ANK2: variants seen among roughly 807,000 people sequenced by gnomAD.
ANK2 encodes ankyrin-2.
Under a neutral mutation model 360.5 loss-of-function variants are expected in ANK2, and 83 were observed. The ratio of observed to expected loss-of-function variants is 0.23; its 90% CI spans 0.19 to 0.28. The LOEUF is 0.28. Among genes scored for constraint, ANK2 ranks in the 10% least tolerant of loss-of-function variants. ANK2 has a pLI of 1.00. For missense variants in ANK2, 4,201 were observed against 4,795.7 expected, an observed-to-expected ratio of 0.88 and a Z score of 3.66; for synonymous variants, 1,740 against 1,759.5, an observed-to-expected ratio of 0.99 and a Z score of 0.28.
At chr4:113,025,736 G>A (rs1401172072) in intron 2 of ANK2, among the ~76,000 whole-genome samples, 2 of 152,050 alleles carry the variant, frequency 1.3e-5, no homozygotes, top group Non-Finnish European at 2.9e-5. Flanking sequence ...AATTGCTAAG[G>A]AGATCTGAGG....
intron 4 of ANK2, among the ~76,000 whole-genome samples, chr4:113,200,293 GC>G (rs1249515352): frequency 6.6e-6 from 1 of 152,114 alleles, no homozygotes; most frequent in East Asian, 1.9e-4. Context: ...AGCATTTTAG[GC>G]TTGGAGAGAA....
At chr4:113,338,742 G>A (rs1980334) in intron 31 of ANK2, among the ~76,000 whole-genome samples, 30,677 of 151,072 alleles carry the variant, frequency 0.2, 5,117 homozygotes, top group African/African-American at 0.46. Context: ...GTAGAGATGG[G>A]GTTTCACCGT....
chr4:112,826,788 C>G, intron 1 of ANK2: 2 of 1,025,464 alleles, frequency 2.0e-6, no homozygotes, highest in Non-Finnish European at 3.0e-6. Flanking sequence ...AAATAAAATT[C>G]TGTTGCTTCA....
chr4:113,110,345 G>A (rs1435526886), intron 1 of ANK2, among the ~76,000 whole-genome samples: 1 of 152,144 alleles, frequency 6.6e-6, no homozygotes, highest in East Asian at 1.9e-4. Context: ...GACACGTGGG[G>A]ATTATGGGAG....
At chr4:112,946,988 C>A (rs976550059) in intron 2 of ANK2, among the ~76,000 whole-genome samples, 3 of 152,190 alleles carry the variant, frequency 2.0e-5, no homozygotes, top group Admixed American at 1.3e-4. Context: ...TCTAGACAAC[C>A]TTTGCCAGTT....
intron 1 of ANK2, among the ~76,000 whole-genome samples, chr4:113,162,384 A>G (rs2097568193): frequency 6.6e-6 from 1 of 152,170 alleles, no homozygotes; most frequent in South Asian, 2.1e-4. Flanking sequence ...CATACAAAAC[A>G]TTAATGGTCT....
chr4:112,787,580 T>C, the ANK2 span, among the ~76,000 whole-genome samples: 22 of 152,192 alleles, frequency 1.4e-4, no homozygotes, highest in African/African-American at 4.6e-4. Flanking sequence ...CTAATTTCCA[T>C]TGCCCCAGTA....
chr4:113,115,437 TA>T (rs2094668860), intron 1 of ANK2, among the ~76,000 whole-genome samples: 1 of 152,172 alleles, frequency 6.6e-6, no homozygotes, highest in Non-Finnish European at 1.5e-5. Flanking sequence ...CTACCCTCTG[TA>T]AGTTGACTGA....
At chr4:113,090,749 C>T (rs6832446) in intron 1 of ANK2, among the ~76,000 whole-genome samples, 102,648 of 152,056 alleles carry the variant, frequency 0.68, 34,747 homozygotes, top group East Asian at 0.8. Context: ...AGTCAGAATA[C>T]CTGATAATAT....
At chr4:113,105,505 A>G (rs2093499714) in intron 1 of ANK2, among the ~76,000 whole-genome samples, 1 of 152,200 alleles carries the variant, frequency 6.6e-6, no homozygotes, top group East Asian at 1.9e-4. Flanking sequence ...AAGATTAGCT[A>G]TATGGAATAA....
the ANK2 span, among the ~76,000 whole-genome samples, chr4:112,722,593 T>C: frequency 1.3e-5 from 2 of 152,176 alleles, no homozygotes; most frequent in Admixed American, 6.5e-5. Flanking sequence ...TCCCTTCTGG[T>C]CATGGGATGG....
chr4:113,036,194 T>C (rs372612048), intron 2 of ANK2, among the ~76,000 whole-genome samples: 1 of 151,826 alleles, frequency 6.6e-6, no homozygotes, highest in South Asian at 2.1e-4. Context: ...AAAACTCTCT[T>C]TGAGTCATTT....
the ANK2 span, chr4:112,788,208 A>G: frequency 4.4e-6 from 7 of 1,589,958 alleles, no homozygotes; most frequent in East Asian, 1.6e-4. Context: ...CTGTCATTGT[A>G]ATTGGTCCTG....
intron 1 of ANK2, among the ~76,000 whole-genome samples, chr4:112,836,273 C>T (rs2060965363): frequency 6.6e-6 from 1 of 152,098 alleles, no homozygotes; most frequent in Non-Finnish European, 1.5e-5. Context: ...AGGTGCCTTG[C>T]TTCCCCTTCT....
At chr4:113,214,998 T>C (rs1004549838) in intron 4 of ANK2, among the ~76,000 whole-genome samples, 14 of 152,262 alleles carry the variant, frequency 9.2e-5, no homozygotes, top group Middle Eastern at 3.4e-3. Context: ...TGTCTGAACA[T>C]AACTGGGTAC....
intron 1 of ANK2, among the ~76,000 whole-genome samples, chr4:113,082,494 C>T (rs955661887): frequency 6.6e-5 from 10 of 152,140 alleles, no homozygotes; most frequent in African/African-American, 2.2e-4. Context: ...AGTGACTATA[C>T]ATTTTACTAA....
chr4:112,708,247 A>G, the ANK2 span, among the ~76,000 whole-genome samples: 1 of 152,200 alleles, frequency 6.6e-6, no homozygotes, highest in Admixed American at 6.5e-5. Flanking sequence ...ATATTTTTCC[A>G]TGTTCATTAG....
At chr4:113,259,931 C>T (rs776076386) in intron 13 of ANK2, among the ~76,000 whole-genome samples, 1 of 151,740 alleles carries the variant, frequency 6.6e-6, no homozygotes, top group Non-Finnish European at 1.5e-5. Flanking sequence ...AACAAAAAAC[C>T]GCTGTGTTCT....
chr4:113,299,695 AACG>A (rs1257657815), intron 22 of ANK2, among the ~76,000 whole-genome samples: 1 of 149,810 alleles, frequency 6.7e-6, no homozygotes, highest in Non-Finnish European at 1.5e-5. Flanking sequence ...ACAAGAGTGA[AACG>A]ACATCTCAAA....
Sources: allele counts gnomAD v4.1 joint callset (sites outside exome capture counted in the v4.1 genomes callset), GRCh38; gene constraint gnomAD v4.1.1; transcripts MANE v1.5; gene names NCBI Gene and HGNC (gene_info 2026-07-23, HGNC 2026-07-21).